Variants in PRKN observed in about 807,000 individuals in gnomAD.
PRKN encodes E3 ubiquitin-protein ligase parkin.
PRKN carries 56 observed loss-of-function variants against 59.5 expected under a neutral mutation model. The ratio of observed to expected loss-of-function variants is 0.94; its 90% confidence interval spans 0.76 to 1.18. The LOEUF is 1.18. PRKN is among the 50% of genes most tolerant of loss of function. The probability of loss-of-function intolerance (pLI) is 0.00; values close to 1 mark genes in which losing one functional copy is unlikely to be tolerated. For missense variants in PRKN, 657 were observed against 596.4 expected, an observed-to-expected ratio of 1.10 and a Z score of -1.06; for synonymous variants, 250 against 222.1, an observed-to-expected ratio of 1.13 and a Z score of -1.12.
chr6:162,551,135 C>T (rs1469151514), intron 1 of PRKN, among the ~76,000 whole-genome samples: 1 of 152,112 alleles, frequency 6.6e-6, no homozygotes, highest in African/African-American at 2.4e-5. Flanking sequence ...CTGTGAGACA[C>T]ACATACAAAC....
chr6:161,926,700 C>T (rs1778981782), intron 6 of PRKN, among the ~76,000 whole-genome samples: 1 of 152,084 alleles, frequency 6.6e-6, no homozygotes, highest in South Asian at 2.1e-4. Context: ...TCTGGTTGCA[C>T]TCTAGTTGCA....
chr6:161,728,534 C>T (rs1006231504), intron 7 of PRKN, among the ~76,000 whole-genome samples: 4 of 152,056 alleles, frequency 2.6e-5, no homozygotes, highest in South Asian at 4.1e-4. Flanking sequence ...AGGCTGCACA[C>T]GTACTGTACA....
intron 7 of PRKN, among the ~76,000 whole-genome samples, chr6:161,775,937 G>T (rs978971532): frequency 2.0e-5 from 3 of 152,186 alleles, no homozygotes; most frequent in African/African-American, 7.2e-5. Flanking sequence ...TAAGTTAGGT[G>T]AAAACTAGAA....
intron 7 of PRKN, among the ~76,000 whole-genome samples, chr6:161,770,249 G>A (rs1456609588): frequency 6.6e-6 from 1 of 152,156 alleles, no homozygotes; most frequent in African/African-American, 2.4e-5. Context: ...GGAACACCCA[G>A]TAGCTTAACC....
rs986514830 is a variant in PRKN at position 161,372,025 on chromosome 6, C to G, written c.1168-11820G>C. ...GCCAAGTGCCACAGACGAGATCTTA[C>G]AGAGTCTTGCCCCATGGGGCCCTAA... On this transcript the variant is annotated intron_variant, in intron 10 of 11. Coordinates refer to ENST00000366898, the MANE Select transcript of PRKN (RefSeq NM_004562.3). This position sits in a 1 kb window ranked among gnomAD's most constrained non-coding sequence, Gnocchi z 4.2. 6.6e-6 allele frequency among the ~76,000 whole-genome samples: 1 copy of G among 152,210 alleles called. No homozygotes were observed. Among genetic ancestry groups the G allele is most frequent in the African/African-American group, 2.4e-5 (1 of 41,456 alleles).
At chr6:162,185,212 A>G (rs1783976988) in intron 4 of PRKN, among the ~76,000 whole-genome samples, 1 of 152,166 alleles carries the variant, frequency 6.6e-6, no homozygotes, top group African/African-American at 2.4e-5. Flanking sequence ...TTAATTTTCC[A>G]AGTTCAATAC....
At chr6:162,405,941 C>A (rs150684775) in intron 2 of PRKN, among the ~76,000 whole-genome samples, 265 of 152,196 alleles carry the variant, frequency 1.7e-3, no homozygotes, top group African/African-American at 6.1e-3. Context: ...AAATATACAA[C>A]TACAAAGCAA....
chr6:162,392,788 A>G (rs186520596), intron 2 of PRKN, among the ~76,000 whole-genome samples: 5 of 152,310 alleles, frequency 3.3e-5, no homozygotes, highest in African/African-American at 9.6e-5. Context: ...TTGCTAAAAT[A>G]ATAAAAATTC....
intron 9 of PRKN, among the ~76,000 whole-genome samples, chr6:161,406,385 A>G (rs1697991895): frequency 6.6e-6 from 1 of 152,122 alleles, no homozygotes. Flanking sequence ...TCTCAAATCC[A>G]CCAAAAACGT....
chr6:161,535,466 G>T lies in PRKN; in HGVS notation c.1083+13388C>A, dbSNP rs916996337. On this transcript the variant is annotated intron_variant, in intron 9 of 11. Coordinates refer to ENST00000366898, the MANE Select transcript of PRKN (RefSeq NM_004562.3). The stretch of plus-strand genomic sequence containing the variant: ...GAATGGTATTTGAGTAATGATAAAA[G>T]GAGACAGAAAAGACACCAGATGAGG... Among the ~76,000 whole-genome samples the T allele has an allele frequency of 3.3e-5, 5 of 152,196 alleles. No individual in the cohort carries two copies. The East Asian group carries it at 7.7e-4, about 23-fold the overall frequency.
At chr6:161,750,118 T>TATACAC (rs1269147499) in intron 7 of PRKN, among the ~76,000 whole-genome samples, 8 of 137,742 alleles carry the variant, frequency 5.8e-5, no homozygotes, top group Non-Finnish European at 1.1e-4. Context: ...TATATATATA[T>TATACAC]ACACACACAC....
At chr6:162,184,087 T>A (rs1013799239) in intron 4 of PRKN, among the ~76,000 whole-genome samples, 2 of 152,192 alleles carry the variant, frequency 1.3e-5, no homozygotes, top group African/African-American at 4.8e-5. Context: ...TTCATGAAAA[T>A]TTAAAAAGTC....
At chr6:162,153,792 G>A (rs1191194799) in intron 4 of PRKN, among the ~76,000 whole-genome samples, 6 of 152,032 alleles carry the variant, frequency 3.9e-5, no homozygotes, top group African/African-American at 1.4e-4. Flanking sequence ...TTCAGCAGTG[G>A]CTCAGAAGCC....
At chr6:161,577,008 T>A (rs959070319) in intron 7 of PRKN, among the ~76,000 whole-genome samples, 4 of 152,146 alleles carry the variant, frequency 2.6e-5, no homozygotes, top group Non-Finnish European at 5.9e-5. Context: ...CTGCAAATGA[T>A]AAACGCCCCT....
intron 1 of PRKN, among the ~76,000 whole-genome samples, chr6:162,576,810 C>CAAAAAA (rs573857313): frequency 1.6e-4 from 15 of 92,396 alleles, no homozygotes; most frequent in African/African-American, 5.5e-4. Flanking sequence ...GAGACTCCGT[C>CAAAAAA]AAAAAAAAAA....
intron 1 of PRKN, among the ~76,000 whole-genome samples, chr6:162,464,805 G>A (rs1791343056): frequency 1.3e-5 from 2 of 151,494 alleles, no homozygotes; most frequent in Admixed American, 1.3e-4. Context: ...CTCCAGCCTG[G>A]GCAACAGAGT....
intron 5 of PRKN, among the ~76,000 whole-genome samples, chr6:162,036,892 A>AG (rs1400554518): frequency 3.3e-5 from 5 of 152,228 alleles, no homozygotes; most frequent in African/African-American, 1.2e-4. Context: ...TAACCATAAT[A>AG]GTAAGCAATA....
At chr6:162,640,102 AC>A (rs1777904233) in intron 1 of PRKN, among the ~76,000 whole-genome samples, 1 of 152,100 alleles carries the variant, frequency 6.6e-6, no homozygotes, top group Non-Finnish European at 1.5e-5. Context: ...AAGAAATCAT[AC>A]CTTCTGTGAA....
intron 1 of PRKN, chr6:162,569,472 A>T: frequency 1.5e-6 from 1 of 689,124 alleles, no homozygotes; most frequent in Non-Finnish European, 2.8e-6. Context: ...GAGAGTGAGG[A>T]GAGCCACCTG....
Sources: gnomAD v4.1 joint callset for allele counts (sites outside exome capture counted in the v4.1 genomes callset) on GRCh38, gnomAD v4.1.1 for gene constraint, Gnocchi (gnomAD v3.1) non-coding constraint, MANE v1.5 for transcripts, NCBI Gene and HGNC (gene_info 2026-07-23, HGNC 2026-07-21) for gene names.